PARD3: variants seen among roughly 807,000 people sequenced by gnomAD.
PARD3 encodes the protein partitioning defective 3 homolog.
In PARD3, 75 loss-of-function variants were observed where a neutral mutation model predicts 155.4. That is an observed-to-expected ratio of 0.48 (90% confidence interval 0.40 to 0.58). The LOEUF (loss-of-function observed/expected upper bound fraction) is 0.58. PARD3 is among the 20% of genes least tolerant of loss of function. The pLI, the probability that PARD3 is intolerant of heterozygous loss-of-function variation, is 0.00. For synonymous variants in PARD3, 576 were observed against 610.5 expected (o/e 0.94, Z 0.83); for missense variants, 1,642 against 1,721.7 (o/e 0.95, Z 0.82).
chr10:34,240,841 G>A (rs528206928), intron 22 of PARD3, among the ~76,000 whole-genome samples: 18 of 152,138 alleles, frequency 1.2e-4, no homozygotes, highest in Admixed American at 1.1e-3. Context: ...GAAGGACCTC[G>A]AGCAGACAAC....
At chr10:34,778,317 C>G (rs1839846977) in intron 1 of PARD3, among the ~76,000 whole-genome samples, 2 of 152,162 alleles carry the variant, frequency 1.3e-5, no homozygotes, top group Admixed American at 6.5e-5. Context: ...ATCCCTCGGG[C>G]CAAGGACAGA....
chr10:34,656,246 TA>T (rs891805777), intron 2 of PARD3, among the ~76,000 whole-genome samples: 1 of 151,418 alleles, frequency 6.6e-6, no homozygotes, highest in Non-Finnish European at 1.5e-5. Context: ...ACCTTCAAGA[TA>T]AAAAAAAACC....
chr10:34,537,349 G>A (rs542612643), intron 2 of PARD3, among the ~76,000 whole-genome samples: 4 of 152,126 alleles, frequency 2.6e-5, no homozygotes, highest in Non-Finnish European at 5.9e-5. Flanking sequence ...TCTGAATTGA[G>A]TTATATTCTG....
intron 3 of PARD3, chr10:34,488,571 T>G (rs1441145490): frequency 2.6e-5 from 4 of 152,142 alleles, no homozygotes; most frequent in African/African-American, 9.7e-5. Flanking sequence ...ACACGCAGAG[T>G]GCCCTCTGTG....
At chr10:34,474,773 G>A (rs2078598141) in intron 3 of PARD3, among the ~76,000 whole-genome samples, 1 of 152,104 alleles carries the variant, frequency 6.6e-6, no homozygotes, top group African/African-American at 2.4e-5. Flanking sequence ...AGCTACCTGT[G>A]GATACAAATG....
At chr10:34,158,222 AAAAC>A (rs146103648) in intron 22 of PARD3, among the ~76,000 whole-genome samples, 4,100 of 152,254 alleles carry the variant, frequency 0.027, 79 homozygotes, top group Non-Finnish European at 0.04. Context: ...CTCCAAATAA[AAAAC>A]AAACAAACAA....
intron 1 of PARD3, among the ~76,000 whole-genome samples, chr10:34,793,202 T>A (rs1043401851): frequency 6.6e-6 from 1 of 151,850 alleles, no homozygotes; most frequent in East Asian, 1.9e-4. Context: ...GCAGTGCAGA[T>A]GAAAAAATGG....
intron 5 of PARD3, among the ~76,000 whole-genome samples, chr10:34,412,117 C>T (rs1230722328): frequency 1.3e-5 from 2 of 151,938 alleles, no homozygotes; most frequent in African/African-American, 2.4e-5. Flanking sequence ...TGTGCATCAT[C>T]GCACCTGGCC....
rs193118316 is a variant in PARD3, at chr10:34,350,599, C to T, written c.2068-2484G>A. On this transcript the variant is annotated intron_variant, in intron 14 of 24. Transcript: ENST00000374788. ...AGTGAGCCGAGATCACGCCACTGCA[C>T]TCCAGCCTGGCTAACAGAGAGACTC... is the stretch of plus-strand genomic sequence containing the variant. 1.4e-3 allele frequency among the ~76,000 whole-genome samples: 194 copies of T among 140,966 alleles called. 2 individuals are homozygous for T. The highest frequency in any genetic ancestry group is 0.011 in the Admixed American group (146 of 13,554). 92.5% of individuals were successfully genotyped at this position (140,966 alleles called of 152,430 possible).
intron 2 of PARD3, among the ~76,000 whole-genome samples, chr10:34,670,724 G>A (rs1037193476): frequency 1.3e-5 from 2 of 152,214 alleles, no homozygotes; most frequent in Non-Finnish European, 2.9e-5. Context: ...AAATCAAGCT[G>A]TAAGAATTCA....
intron 2 of PARD3, among the ~76,000 whole-genome samples, chr10:34,645,394 C>A (rs538981002): frequency 1.3e-5 from 2 of 151,016 alleles, no homozygotes; most frequent in African/African-American, 2.4e-5. Flanking sequence ...TTAGTAGAGA[C>A]GGGGTTTCAT....
In PARD3 at chr10:34,701,523, A is replaced by C. The variant is rs543012532; in HGVS notation, c.121-5104T>G. Reference sequence around the variant, plus strand: ...CAAGGTAACTGTGGGGAAAGCCAAGAAGCAGCAAGACTTCCCCAACAGAGC... The same window carrying C: ...CAAGGTAACTGTGGGGAAAGCCAAGCAGCAGCAAGACTTCCCCAACAGAGC... On this transcript the variant is annotated intron_variant, in intron 1 of 24. Coordinates refer to ENST00000374788, the MANE Select transcript of PARD3 (RefSeq NM_001184785.2). Among the ~76,000 whole-genome samples, 7 of 152,304 alleles carry C rather than the reference A, an allele frequency of 4.6e-5. 1 individual carries two copies. The South Asian group carries it at 1.0e-3, about 23-fold the overall frequency.
At chr10:34,351,497 T>TA (rs1002650913) in intron 14 of PARD3, among the ~76,000 whole-genome samples, 1 of 152,184 alleles carries the variant, frequency 6.6e-6, no homozygotes, top group African/African-American at 2.4e-5. Context: ...CAGGTGAACA[T>TA]AAAGCAACTA....
chr10:34,497,431 T>C (rs2080368588), intron 3 of PARD3, among the ~76,000 whole-genome samples: 1 of 152,202 alleles, frequency 6.6e-6, no homozygotes, highest in Non-Finnish European at 1.5e-5. Flanking sequence ...AAACTGAGCA[T>C]CTTCAGATTT....
At chr10:34,737,286 CTA>C (rs1361037589) in intron 1 of PARD3, among the ~76,000 whole-genome samples, 6 of 152,202 alleles carry the variant, frequency 3.9e-5, no homozygotes, top group Non-Finnish European at 7.3e-5. Flanking sequence ...TATTCTGTAA[CTA>C]TGTGCTCAGG....
chr10:34,390,605 T>C (rs1842791251), intron 7 of PARD3, among the ~76,000 whole-genome samples: 1 of 152,142 alleles, frequency 6.6e-6, no homozygotes, highest in Non-Finnish European at 1.5e-5. Context: ...TAAAAAATAC[T>C]GAGCAAGGTA....
intron 5 of PARD3, among the ~76,000 whole-genome samples, chr10:34,443,380 A>G (rs1036145190): frequency 3.3e-5 from 5 of 152,176 alleles, no homozygotes; most frequent in African/African-American, 1.2e-4. Flanking sequence ...TATATTGTGT[A>G]TTGTATTAGT....
intron 20 of PARD3, among the ~76,000 whole-genome samples, chr10:34,301,342 C>A (rs778105592): frequency 1.5e-4 from 23 of 152,178 alleles, no homozygotes; most frequent in Non-Finnish European, 2.8e-4. Flanking sequence ...TTGACCACAT[C>A]ATTCTAATTA....
intron 24 of PARD3, among the ~76,000 whole-genome samples, chr10:34,119,299 T>G (rs1413269467): frequency 6.6e-6 from 1 of 152,188 alleles, no homozygotes. Flanking sequence ...ATTTTTCAGA[T>G]GAAGATACTG....
Sources: gnomAD v4.1 joint callset for allele counts (sites outside exome capture counted in the v4.1 genomes callset) on GRCh38, gnomAD v4.1.1 for gene constraint, MANE v1.5 for transcripts, NCBI Gene and HGNC (gene_info 2026-07-23, HGNC 2026-07-21) for gene names.